The following KDM4C variants were observed in gnomAD, a reference collection of about 807,000 sequenced individuals.
The protein encoded by KDM4C is lysine-specific demethylase 4C.
A neutral mutation model predicts 129.3 loss-of-function variants in KDM4C; 81 were observed. The ratio of observed to expected loss-of-function variants is 0.63; its 90% CI spans 0.52 to 0.75. The LOEUF is 0.75. Ranked by LOEUF, KDM4C falls within the 30% of genes least tolerant of loss-of-function variation. The pLI, the probability that KDM4C is intolerant of heterozygous loss-of-function variation, is 0.00. For synonymous variants in KDM4C, 573 were observed against 456.1 expected (o/e 1.26, Z -3.26); for missense variants, 1,457 against 1,304.0 (o/e 1.12, Z -1.81).
At chr9:6,793,207 G>T in intron 2 of KDM4C, 75 bp downstream of exon 2, 2 of 1,502,496 alleles carry the variant, frequency 1.3e-6, no homozygotes, top group Non-Finnish European at 9.1e-7. Flanking sequence ...TTCACGATTT[G>T]GGACATTGTT....
At chr9:7,165,701 A>G (rs1173165300) in intron 20 of KDM4C, among the ~76,000 whole-genome samples, 1 of 152,238 alleles carries the variant, frequency 6.6e-6, no homozygotes, top group Non-Finnish European at 1.5e-5. Context: ...CAGCCAAGAC[A>G]GCGATGGCCA....
At chr9:6,867,889 T>C (rs897957347) in intron 5 of KDM4C, among the ~76,000 whole-genome samples, 3 of 152,110 alleles carry the variant, frequency 2.0e-5, no homozygotes, top group African/African-American at 4.8e-5. Flanking sequence ...AAAATTTCAG[T>C]GGAATTAAAA....
At chr9:6,892,201 A>G (rs761900166) in intron 7 of KDM4C, among the ~76,000 whole-genome samples, 4 of 152,180 alleles carry the variant, frequency 2.6e-5, no homozygotes, top group Admixed American at 6.5e-5. Context: ...GGTCTATCCT[A>G]TTGGGTGCTG....
intron 1 of KDM4C, chr9:6,724,080 G>T (rs904438847): frequency 6.6e-6 from 1 of 152,150 alleles, no homozygotes; most frequent in Admixed American, 6.6e-5. Flanking sequence ...GAGGAGAGGG[G>T]ATAATACTAC....
intron 8 of KDM4C, among the ~76,000 whole-genome samples, chr9:6,979,783 G>C (rs1472151157): frequency 1.3e-5 from 2 of 152,182 alleles, no homozygotes; most frequent in Non-Finnish European, 2.9e-5. Flanking sequence ...ATTGAGACAG[G>C]AGATGCCGTA....
chr9:6,808,541 G>A (rs932774690), intron 3 of KDM4C, among the ~76,000 whole-genome samples: 15 of 148,098 alleles, frequency 1.0e-4, no homozygotes, highest in African/African-American at 3.8e-4. Context: ...CAAGTAATCA[G>A]GGACACAAAC....
chr9:7,126,041 G>A (rs1839996651), intron 18 of KDM4C, among the ~76,000 whole-genome samples: 1 of 152,192 alleles, frequency 6.6e-6, no homozygotes, highest in African/African-American at 2.4e-5. Context: ...CAACCCAAAT[G>A]ACAACAAACT....
chr9:7,045,379 C>G (rs1349034310), intron 15 of KDM4C, among the ~76,000 whole-genome samples: 1 of 152,060 alleles, frequency 6.6e-6, no homozygotes, highest in East Asian at 1.9e-4. Flanking sequence ...AACGAAAGTA[C>G]TTGACCTCAA....
At chr9:7,025,536 T>A (rs1265986533) in intron 15 of KDM4C, among the ~76,000 whole-genome samples, 1 of 152,234 alleles carries the variant, frequency 6.6e-6, no homozygotes, top group South Asian at 2.1e-4. Flanking sequence ...GGTTTTTGAT[T>A]TGAGGTTATG....
intron 8 of KDM4C, among the ~76,000 whole-genome samples, chr9:6,969,144 C>G (rs573518145): frequency 1.3e-5 from 2 of 152,252 alleles, no homozygotes; most frequent in African/African-American, 2.4e-5. Flanking sequence ...CCATATTGGC[C>G]AGGCTGGTCT....
intron 14 of KDM4C, among the ~76,000 whole-genome samples, chr9:7,015,540 T>A (rs1455695955): frequency 6.6e-6 from 1 of 152,176 alleles, no homozygotes; most frequent in Non-Finnish European, 1.5e-5. Flanking sequence ...TATTATATTA[T>A]TTTTGACATT....
At chr9:6,879,769 T>C (rs542404668) in intron 5 of KDM4C, among the ~76,000 whole-genome samples, 46 of 152,172 alleles carry the variant, frequency 3.0e-4, no homozygotes, top group African/African-American at 1.0e-3. Context: ...TTCCCTAATT[T>C]GTAAAATGTG....
At position 6,746,781 on chromosome 9, in the gene KDM4C, G is replaced by A. The variant is rs187700911; in HGVS notation, c.49+25784G>A. On this transcript the variant is annotated intron_variant, in intron 1 of 17. Transcript: ENST00000536108. ...CCCAGCACTTTGGGAGGCGGAGGTG[G>A]GTGGATCACGAGGTCAGGAGATCGA... Among the ~76,000 whole-genome samples the A allele has an allele frequency of 3.9e-3, 586 of 149,690 alleles. 3 individuals carry two copies. The highest frequency in any genetic ancestry group is 6.9e-3 in the Non-Finnish European group (463 of 67,388).
chr9:6,927,674 C>G (rs944897334), intron 8 of KDM4C, among the ~76,000 whole-genome samples: 2 of 152,192 alleles, frequency 1.3e-5, no homozygotes, highest in African/African-American at 4.8e-5. Flanking sequence ...GGAGAAATCA[C>G]AATATGCCAC....
intron 8 of KDM4C, among the ~76,000 whole-genome samples, chr9:6,943,658 T>G (rs1471610754): frequency 6.8e-6 from 1 of 146,922 alleles, no homozygotes; most frequent in Non-Finnish European, 1.5e-5. Context: ...CTGGGCGACA[T>G]AGGGAAATCT....
chr9:6,732,349 A>C (rs896440656), intron 1 of KDM4C, among the ~76,000 whole-genome samples: 7 of 119,914 alleles, frequency 5.8e-5, no homozygotes, highest in African/African-American at 2.2e-4. Context: ...TGGGTGACAG[A>C]GCAAGACTCT....
chr9:6,757,695 G>A (rs1196570258), upstream of KDM4C: 1 of 985,502 alleles, frequency 1.0e-6, no homozygotes, highest in Non-Finnish European at 1.2e-6. Context: ...ACTACATCAG[G>A]TCCAGCCCTG....
At chr9:7,038,501 C>G (rs1828023691) in intron 15 of KDM4C, among the ~76,000 whole-genome samples, 1 of 151,926 alleles carries the variant, frequency 6.6e-6, no homozygotes, top group Non-Finnish European at 1.5e-5. Context: ...TTTACCATGT[C>G]GTTTTCATTA....
intron 19 of KDM4C, among the ~76,000 whole-genome samples, chr9:7,139,636 T>C (rs1841546547): frequency 6.6e-6 from 1 of 152,244 alleles, no homozygotes. Context: ...CCTGTAACTT[T>C]TCCTATTTTG....
Sources: gnomAD v4.1 joint callset for allele counts (sites outside exome capture counted in the v4.1 genomes callset) on GRCh38, gnomAD v4.1.1 for gene constraint, MANE v1.5 for transcripts, NCBI Gene and HGNC (gene_info 2026-07-23, HGNC 2026-07-21) for gene names.